CAMKMT: variants seen among roughly 807,000 people sequenced by gnomAD.
CAMKMT encodes the protein calmodulin-lysine N-methyltransferase, also known as CaM KMT.
CAMKMT carries 53 observed loss-of-function variants against 48.0 expected under a neutral mutation model. That is an observed-to-expected ratio of 1.10 (90% CI 0.89 to 1.39). CAMKMT has a LOEUF of 1.39. Among genes scored for constraint, CAMKMT ranks in the 40% most tolerant of loss-of-function variants. The pLI, the probability that CAMKMT is intolerant of heterozygous loss-of-function variation, is 0.00. For synonymous variants in CAMKMT, 165 were observed against 152.3 expected, an observed-to-expected ratio of 1.08 and a Z score of -0.61; for missense variants, 428 against 402.7, an observed-to-expected ratio of 1.06 and a Z score of -0.54.
At chr2:44,509,954 A>G (rs11124990) in intron 3 of CAMKMT, among the ~76,000 whole-genome samples, 74,420 of 151,684 alleles carry the variant, frequency 0.49, 20,084 homozygotes, top group Middle Eastern at 0.65. Context: ...TTTTCTTTGT[A>G]AATTACCCAG....
chr2:44,484,996 A>T (rs1204911501), intron 3 of CAMKMT, among the ~76,000 whole-genome samples: 1 of 152,176 alleles, frequency 6.6e-6, no homozygotes, highest in Non-Finnish European at 1.5e-5. Context: ...CCAGGTAAAT[A>T]CAAATTGAAA....
At chr2:44,433,958 A>G (rs1684798892) in intron 3 of CAMKMT, among the ~76,000 whole-genome samples, 1 of 152,162 alleles carries the variant, frequency 6.6e-6, no homozygotes, top group Admixed American at 6.5e-5. Context: ...TGTTTTGTAA[A>G]CAAATGGAGT....
At chr2:44,362,280 A>G in intron 1 of CAMKMT, 135 bp downstream of exon 1, 1 of 731,612 alleles carries the variant, frequency 1.4e-6, no homozygotes, top group East Asian at 3.4e-5. Context: ...GCCACCTGCG[A>G]AGCTCCCCCT....
chr2:44,584,112 A>G (rs1344453544), intron 3 of CAMKMT, among the ~76,000 whole-genome samples: 2 of 152,182 alleles, frequency 1.3e-5, no homozygotes, highest in Admixed American at 6.5e-5. Flanking sequence ...ATGAAATCAC[A>G]TAGTATGTAC....
At chr2:44,645,542 C>G (rs752360968) in intron 3 of CAMKMT, among the ~76,000 whole-genome samples, 1 of 152,052 alleles carries the variant, frequency 6.6e-6, no homozygotes, top group Non-Finnish European at 1.5e-5. Context: ...GAATCTAGAC[C>G]GGGCACAATG....
At chr2:44,510,409 A>T (rs1670480369) in intron 3 of CAMKMT, among the ~76,000 whole-genome samples, 1 of 152,214 alleles carries the variant, frequency 6.6e-6, no homozygotes, top group Admixed American at 6.5e-5. Flanking sequence ...GCTCCTTCTC[A>T]GTGAATCATA....
At chr2:44,378,476 GTTTGTTT>G (rs1679918913) in intron 2 of CAMKMT, among the ~76,000 whole-genome samples, 1 of 9,166 alleles carries the variant, frequency 1.1e-4, no homozygotes, top group Non-Finnish European at 3.0e-4. Context: ...AATTAAGTTT[GTTTGTTT>G]GTTTGTTTGT....
At chr2:44,756,018 G>C (rs976697768) in intron 9 of CAMKMT, among the ~76,000 whole-genome samples, 2 of 152,218 alleles carry the variant, frequency 1.3e-5, no homozygotes, top group African/African-American at 4.8e-5. Flanking sequence ...AGTGTAAGGA[G>C]CCCACCATCA....
chr2:44,688,307 C>T (rs528630826), intron 3 of CAMKMT, among the ~76,000 whole-genome samples: 2 of 152,250 alleles, frequency 1.3e-5, no homozygotes, highest in South Asian at 4.1e-4. Flanking sequence ...CACTACATTT[C>T]CACATTAGTT....
chr2:44,720,047 A>G (rs1453670887), intron 7 of CAMKMT, among the ~76,000 whole-genome samples: 1 of 152,208 alleles, frequency 6.6e-6, no homozygotes, highest in Non-Finnish European at 1.5e-5. Flanking sequence ...TTACTAACAT[A>G]ACACTGTTGA....
chr2:44,633,395 A>G (rs1305597093), intron 3 of CAMKMT, among the ~76,000 whole-genome samples: 3 of 152,098 alleles, frequency 2.0e-5, no homozygotes, highest in Admixed American at 6.6e-5. Context: ...TGGGGCATCA[A>G]TTATGTATAT....
chr2:44,499,853 T>A (rs116288486), intron 3 of CAMKMT, among the ~76,000 whole-genome samples: 3 of 152,338 alleles, frequency 2.0e-5, no homozygotes, highest in Non-Finnish European at 4.4e-5. Context: ...TGGTTATAGT[T>A]CTTACTTAGG....
intron 3 of CAMKMT, among the ~76,000 whole-genome samples, chr2:44,502,882 A>T (rs1172864629): frequency 6.6e-6 from 1 of 152,142 alleles, no homozygotes; most frequent in Non-Finnish European, 1.5e-5. Flanking sequence ...TATTAATAGG[A>T]TATGTAATTT....
chr2:44,596,398 A>G (rs1456166479), intron 3 of CAMKMT, among the ~76,000 whole-genome samples: 1 of 151,718 alleles, frequency 6.6e-6, no homozygotes, highest in African/African-American at 2.4e-5. Context: ...GCAATGAACT[A>G]AACATGTGCC....
chr2:44,689,264 T>TTTTATTTATTTATTTATTTATTTA (rs148599125), intron 3 of CAMKMT, among the ~76,000 whole-genome samples: 2 of 136,208 alleles, frequency 1.5e-5, no homozygotes, highest in Non-Finnish European at 3.1e-5. Context: ...CAGCACTATT[T>TTTTATTTATTTATTTATTTATTTA]TTTATTTATT....
At chr2:44,365,653 A>G (rs1397810558) in intron 1 of CAMKMT, among the ~76,000 whole-genome samples, 2 of 152,208 alleles carry the variant, frequency 1.3e-5, no homozygotes, top group East Asian at 1.9e-4. Flanking sequence ...TGCTGTGTCC[A>G]GAATGGGGCA....
chr2:44,552,190 C>T (rs1164565765), intron 3 of CAMKMT, among the ~76,000 whole-genome samples: 1 of 152,032 alleles, frequency 6.6e-6, no homozygotes, highest in Admixed American at 6.6e-5. Context: ...CATAGGTATG[C>T]ATTATTTAGC....
chr2:44,524,926 T>C lies in CAMKMT; in HGVS notation c.376+134621T>C, dbSNP rs1453591519. 1.3e-5 allele frequency among the ~76,000 whole-genome samples: 2 copies of C among 152,092 alleles called. 1 individual carries two copies. Among genetic ancestry groups the C allele is most frequent in the East Asian group, 3.9e-4 (2 of 5,186 alleles). ...CCTCCTAAGATCTTTTGTTTTTACT[T>C]TGAGCAGTTTAAGAGCCTCTCCATA... On this transcript the variant is annotated intron_variant, in intron 3 of 10. Coordinates refer to ENST00000378494, the MANE Select transcript of CAMKMT (RefSeq NM_024766.5).
intron 6 of CAMKMT, among the ~76,000 whole-genome samples, chr2:44,708,838 A>G (rs1677714152): frequency 6.6e-6 from 1 of 152,020 alleles, no homozygotes; most frequent in Non-Finnish European, 1.5e-5. Context: ...GAGCAGGATT[A>G]TTGGACAAGA....
Sources: gnomAD v4.1 joint callset for allele counts (sites outside exome capture counted in the v4.1 genomes callset) on GRCh38, gnomAD v4.1.1 for gene constraint, MANE v1.5 for transcripts, NCBI Gene and HGNC (gene_info 2026-07-23, HGNC 2026-07-21) for gene names.